The following UBALD2 variants were observed in gnomAD, a reference collection of about 807,000 sequenced individuals.
UBALD2 encodes the protein UBA-like domain-containing protein 2.
Under a neutral mutation model 15.9 loss-of-function variants are expected in UBALD2, and 8 were observed. That is an observed-to-expected ratio of 0.50 (90% CI 0.29 to 0.91). The LOEUF is 0.91. UBALD2 is among the 40% of genes least tolerant of loss of function. The pLI, the probability that UBALD2 is intolerant of heterozygous loss-of-function variation, is 0.07. For synonymous variants in UBALD2, 113 were observed against 97.7 expected (o/e 1.16, Z -0.93); for missense variants, 178 against 234.8 (o/e 0.76, Z 1.58).
intron 2 of UBALD2, among the ~76,000 whole-genome samples, chr17:76,267,490 C>CTTTTTTTTTTTTTTTTTT (rs55819046): frequency 8.7e-6 from 1 of 115,162 alleles, no homozygotes; most frequent in African/African-American, 3.5e-5. Context: ...TTCATGGTTT[C>CTTTTTTTTTTTTTTTTTT]TTTTTTTTTT....
intron 2 of UBALD2, 29 bp downstream of exon 2, chr17:76,265,998 C>G: frequency 6.4e-7 from 1 of 1,552,512 alleles, no homozygotes; most frequent in African/African-American, 1.4e-5. Flanking sequence ...GGGCGCGGGC[C>G]GGGGCCGCTG....
In UBALD2 at chr17:76,269,909, C is replaced by G. The variant is rs2070572748; in HGVS notation, c.184-285C>G. On this transcript the variant is annotated intron_variant, in intron 2 of 2. Transcript: ENST00000327490. This position sits in a 1 kb window ranked among gnomAD's most constrained non-coding sequence, Gnocchi z 4.6. ...CTTGCCCTTTCACTTTAATCTGACA[C>G]CTTAGCTCCTGGGTGCAATTAACCA... 6.6e-6 allele frequency among the ~76,000 whole-genome samples: 1 copy of G among 152,200 alleles called. No individual in the cohort carries two copies. The highest frequency in any genetic ancestry group is 2.1e-4 in the South Asian group (1 of 4,824).
At chr17:76,267,109 A>C (rs891178874) in intron 2 of UBALD2, among the ~76,000 whole-genome samples, 2 of 152,096 alleles carry the variant, frequency 1.3e-5, no homozygotes, top group African/African-American at 4.8e-5. Flanking sequence ...CGTCCCCTGC[A>C]CTTGACCAGG....
chr17:76,267,548 G>T (rs2070554429), intron 2 of UBALD2, among the ~76,000 whole-genome samples: 1 of 148,766 alleles, frequency 6.7e-6, no homozygotes, highest in South Asian at 2.1e-4. Context: ...GGCAGGGGGA[G>T]TCTCTATGTG....
rs200206965 is a variant in UBALD2, at chr17:76,270,265, C to T, written c.255C>T (p.Leu85=). Residue 85 remains leucine (L), a synonymous_variant, in exon 3 of 3, where the codon CTC becomes CTT. Transcript: ENST00000327490. ...FPDALAMFSK[L]RASEGLQSSN... Reference sequence around the variant, plus strand: ...ATGCGCTGGCCATGTTCTCCAAGCTCCGCGCCTCCGAGGGCCTGCAGAGCA... The same window carrying T: ...ATGCGCTGGCCATGTTCTCCAAGCTTCGCGCCTCCGAGGGCCTGCAGAGCA... 3.7e-6 allele frequency: 6 copies of T among 1,612,400 alleles called. No individual in the cohort carries two copies. The East Asian group carries it at 1.3e-4, about 36-fold the overall frequency.
intron 1 of UBALD2, 45 bp from the exon 2 acceptor site, chr17:76,265,862 C>A: frequency 6.3e-7 from 1 of 1,576,798 alleles, no homozygotes; most frequent in Non-Finnish European, 8.6e-7. Context: ...GCTGCGTTTC[C>A]TGACTCCGCC....
chr17:76,265,877 C>T, intron 1 of UBALD2, 30 bp from the exon 2 acceptor site: 3 of 1,592,500 alleles, frequency 1.9e-6, no homozygotes, highest in Non-Finnish European at 2.6e-6. Flanking sequence ...TCCGCCTGGC[C>T]CGCCGTGTCA....
chr17:76,268,773 A>G (rs1377584038), intron 2 of UBALD2, among the ~76,000 whole-genome samples: 1 of 118,040 alleles, frequency 8.5e-6, no homozygotes, highest in Admixed American at 1.0e-4. Flanking sequence ...TTGCTCTGCC[A>G]CCTAGGCTGG....
Position 76,270,436 on chromosome 17 carries a change from G to T in UBALD2, c.426G>T (p.Thr142=). The T allele has an allele frequency of 1.6e-6, 2 of 1,283,424 alleles. No homozygotes were observed. The highest frequency in any genetic ancestry group is 2.0e-6 in the Non-Finnish European group (2 of 985,934). 79.5% of individuals were successfully genotyped at this position (1,283,424 alleles called of 1,614,324 possible). A position where few individuals can be genotyped will look rare whatever the true frequency, so the allele number is the denominator to read the frequency against. The change falls in exon 3 of 3, where the codon ACG becomes ACT. Residue 142 remains threonine, a synonymous_variant. Coordinates refer to ENST00000327490, the MANE Select transcript of UBALD2 (RefSeq NM_182565.4). The part of the protein sequence containing the change: ...TFHHLHRPQP[T]WPPGAQQGGA... ...ACCACCTCCACCGCCCACAGCCCAC[G>T]TGGCCCCCAGGAGCACAGCAGGGGG...
At chr17:76,268,496 G>GC in intron 2 of UBALD2, among the ~76,000 whole-genome samples, 1 of 151,964 alleles carries the variant, frequency 6.6e-6, no homozygotes, top group South Asian at 2.1e-4. Context: ...GGTGGGGGGG[G>GC]GGCAGGGAGT....
rs761971933 is a variant in UBALD2 at position 76,270,207 on chromosome 17, G to A, written c.197G>A (p.Ser66Asn). Residue 66 changes from serine to asparagine, a missense_variant, in exon 3 of 3, where the codon AGC (serine) becomes AAC (asparagine). Coordinates refer to ENST00000327490, the MANE Select transcript of UBALD2 (RefSeq NM_182565.4). ...TCTCTCCCGCAGATGTGCACTCCCA[G>A]CAACACCCCTGCCACGCCGCCCAAC... ...HHHHQMMCTP[S>N]NTPATPPNFP... 6.2e-7 allele frequency: 1 copy of A among 1,612,380 alleles called. No individual in the cohort carries two copies. The highest frequency in any genetic ancestry group is 8.5e-7 in the Non-Finnish European group (1 of 1,179,912).
rs73350362 is a variant in UBALD2, at chr17:76,269,122, A to G, written c.184-1072A>G. 0.11 allele frequency among the ~76,000 whole-genome samples: 16,588 copies of G among 152,076 alleles called. 2,260 individuals carry two copies. Among genetic ancestry groups the G allele is most frequent in the African/African-American group, 0.32 (13,384 of 41,374 alleles). ...AGGGGCCAGTGTTGCTAAAATTAGG[A>G]GAAATTCAAAGAAGGACTCCTGTGG... On this transcript the variant is annotated intron_variant, in intron 2 of 2. Transcript: ENST00000327490. This position sits in a 1 kb window ranked among gnomAD's most constrained non-coding sequence, Gnocchi z 4.6.
intron 2 of UBALD2, among the ~76,000 whole-genome samples, chr17:76,267,667 C>CTTT (rs771340875): frequency 7.5e-6 from 1 of 132,562 alleles, no homozygotes; most frequent in Non-Finnish European, 1.6e-5. Context: ...AATTTCTTTT[C>CTTT]TTTTTTTTTT....
rs372144235 is a variant in UBALD2, at chr17:76,270,354, C to T, written c.344C>T (p.Ser115Leu). Residue 115 changes from serine to leucine, a missense_variant, in exon 3 of 3, where the codon TCG (serine) becomes TTG (leucine). Coordinates refer to ENST00000327490, the MANE Select transcript of UBALD2 (RefSeq NM_182565.4). ...GCAAACTTCAGCCCCTTCTGGGCCT[C>T]GTCCCCGCCCAGCCACCAGGCGCCC... ...PPANFSPFWA[S>L]SPPSHQAPWI... is the part of the protein sequence containing the mutation. The T allele has an allele frequency of 5.1e-6, 8 of 1,580,002 alleles. No individual in the cohort carries two copies. Among genetic ancestry groups the T allele is most frequent in the African/African-American group, 1.3e-5 (1 of 74,340 alleles).
intron 2 of UBALD2, among the ~76,000 whole-genome samples, chr17:76,267,917 C>G (rs1483628813): frequency 6.6e-6 from 1 of 152,106 alleles, no homozygotes; most frequent in Non-Finnish European, 1.5e-5. Context: ...CCTCGGCCTC[C>G]CAAAGTTCAG....
In UBALD2 at chr17:76,265,463, C is replaced by G; in HGVS notation, c.-43C>G. ...CTCCCGCGCCCGCGCAGCCCCGCGT[C>G]TGCGTCCGGCCGGAGACGCCGGGCC... On this transcript the variant is annotated 5_prime_UTR_variant, in exon 1 of 3. Transcript: ENST00000327490. 1 of 1,024,618 alleles carries G rather than the reference C, an allele frequency of 9.8e-7. No homozygotes were observed. 63.5% of individuals were successfully genotyped at this position (1,024,618 alleles called of 1,614,324 possible). A position where few individuals can be genotyped will look rare whatever the true frequency, so the allele number is the denominator to read the frequency against.
intron 2 of UBALD2, 34 bp from the exon 3 acceptor site, chr17:76,270,160 G>C: frequency 6.2e-7 from 1 of 1,601,712 alleles, no homozygotes; most frequent in East Asian, 2.3e-5. Flanking sequence ...GGACCCCCGA[G>C]GCAGCCTCCC....
intron 2 of UBALD2, among the ~76,000 whole-genome samples, chr17:76,268,467 C>T (rs568947100): frequency 4.1e-5 from 6 of 146,432 alleles, no homozygotes; most frequent in South Asian, 4.3e-4. Context: ...TTCCTGCTGC[C>T]GAGAAGTCAT....
Position 76,265,500 on chromosome 17 carries a change from C to G in UBALD2, c.-6C>G, listed in dbSNP as rs746494837. The G allele has an allele frequency of 8.2e-7, 1 of 1,216,870 alleles. No individual in the cohort carries two copies. The highest frequency in any genetic ancestry group is 1.9e-5 in the South Asian group (1 of 53,152). 75.4% of individuals were successfully genotyped at this position (1,216,870 alleles called of 1,614,324 possible). A position where few individuals can be genotyped will look rare whatever the true frequency, so the allele number is the denominator to read the frequency against. Reference sequence around the variant, plus strand: ...GGAGACGCCGGGCCCCGCGCCGCGCCGCGCCATGTCGGTGAACATGGACGA... The same window carrying G: ...GGAGACGCCGGGCCCCGCGCCGCGCGGCGCCATGTCGGTGAACATGGACGA... On this transcript the variant is annotated 5_prime_UTR_variant, in exon 1 of 3. Coordinates refer to ENST00000327490, the MANE Select transcript of UBALD2 (RefSeq NM_182565.4).
Sources: gnomAD v4.1 joint callset for allele counts (sites outside exome capture counted in the v4.1 genomes callset) on GRCh38, gnomAD v4.1.1 for gene constraint, Gnocchi (gnomAD v3.1) non-coding constraint, MANE v1.5 for transcripts, NCBI Gene and HGNC (gene_info 2026-07-23, HGNC 2026-07-21) for gene names.